The following ITPRID2 variants were observed in gnomAD, a reference collection of about 807,000 sequenced individuals.
ITPRID2 encodes the protein ITPR interacting domain containing 2.
In ITPRID2, 60 loss-of-function variants were observed where a neutral mutation model predicts 124.3. The observed-to-expected ratio is 0.48, with a 90% CI of 0.39 to 0.60. ITPRID2 has a LOEUF of 0.60. Ranked by LOEUF, ITPRID2 falls within the 20% of genes least tolerant of loss-of-function variation. The pLI, the probability that ITPRID2 is intolerant of heterozygous loss-of-function variation, is 0.00. For synonymous variants in ITPRID2, 521 were observed against 542.9 expected (o/e 0.96, Z 0.56); for missense variants, 1,553 against 1,512.2 (o/e 1.03, Z -0.45).
In ITPRID2 at chr2:181,892,734, G is replaced by A; in HGVS notation, c.257+74G>A. 6.3e-7 allele frequency: 1 copy of A among 1,575,598 alleles called. No homozygotes were observed. Among genetic ancestry groups the A allele is most frequent in the Non-Finnish European group, 8.7e-7 (1 of 1,147,284 alleles). ...GGGACGCCGGAGCAGAGCCACTCGG[G>A]CCGCGTCCCTGTGGGTCCCGCGACC... On this transcript the variant is annotated intron_variant, in intron 2 of 17. Coordinates refer to ENST00000431877, the MANE Select transcript of ITPRID2 (RefSeq NM_001130445.3). This position sits in a 1 kb window ranked among gnomAD's most constrained non-coding sequence, Gnocchi z 5.2.
intron 16 of ITPRID2, among the ~76,000 whole-genome samples, chr2:181,926,662 G>A (rs1002040922): frequency 6.9e-6 from 1 of 144,512 alleles, no homozygotes; most frequent in African/African-American, 2.6e-5. Context: ...GCAGTGAGCC[G>A]ATATTGTACC....
At position 181,892,199 on chromosome 2, in the gene ITPRID2, G is replaced by A; in HGVS notation, c.133G>A (p.Glu45Lys). 1 of 1,552,866 alleles carries A rather than the reference G, an allele frequency of 6.4e-7. No individual in the cohort carries two copies. The highest frequency in any genetic ancestry group is 8.7e-7 in the Non-Finnish European group (1 of 1,148,012). Residue 45 changes from glutamate (E) to lysine (K), a missense_variant, in exon 1 of 18, where the codon GAA becomes AAA. By Grantham distance (56) the Glu-to-Lys change is moderately conservative. Transcript: ENST00000431877. This position sits in a 1 kb window ranked among gnomAD's most constrained non-coding sequence, Gnocchi z 5.2. Reference sequence around the variant, plus strand: ...GTCGGAGACGGAGGATCTGTCCACAGAAGCGACGACGCAGGACGAGGAGGA... The same window carrying A: ...GTCGGAGACGGAGGATCTGTCCACAAAAGCGACGACGCAGGACGAGGAGGA... Reference protein sequence around the residue: ...QASETEDLSTEATTQDEEEDE... With the variant: ...QASETEDLSTKATTQDEEEDE...
At chr2:181,908,793 G>C (rs1693361951) in intron 8 of ITPRID2, among the ~76,000 whole-genome samples, 1 of 151,758 alleles carries the variant, frequency 6.6e-6, no homozygotes, top group Non-Finnish European at 1.5e-5. Context: ...TCTTATTCTT[G>C]AATAGCTTCA....
chr2:181,910,072 G>GA lies in ITPRID2; in HGVS notation c.1486+105dup. On this transcript the variant is annotated intron_variant, in intron 9 of 17. Coordinates refer to ENST00000431877, the MANE Select transcript of ITPRID2 (RefSeq NM_001130445.3). This position sits in a 1 kb window ranked among gnomAD's most constrained non-coding sequence, Gnocchi z 4.1. ...CAGTATTTGTAGTATTTATGAGTGT[G>GA]AAAAGGCAAAGAACACACACAGGTA... 1 of 840,928 alleles carries GA rather than the reference G, an allele frequency of 1.2e-6. No homozygotes were observed. Among genetic ancestry groups the GA allele is most frequent in the Non-Finnish European group, 1.8e-6 (1 of 541,014 alleles). 52.1% of individuals were successfully genotyped at this position (840,928 alleles called of 1,614,324 possible).
chr2:181,895,435 A>G (rs1206102289), intron 2 of ITPRID2, among the ~76,000 whole-genome samples: 3 of 152,088 alleles, frequency 2.0e-5, no homozygotes, highest in African/African-American at 4.8e-5. Flanking sequence ...TGAAGAATAT[A>G]TATATTTTTT....
Position 181,902,603 on chromosome 2 carries a change from T to A in ITPRID2, c.1413+137T>A. On this transcript the variant is annotated intron_variant, in intron 8 of 17. Transcript: ENST00000431877. This position sits in a 1 kb window ranked among gnomAD's most constrained non-coding sequence, Gnocchi z 4.4. ...CTAATTTTGACTTTCCAGGTTTATG[T>A]TTCACAAACCAAGAATTGGTCTCAG... The A allele has an allele frequency of 3.0e-6, 2 of 664,630 alleles. No homozygotes were observed. Among genetic ancestry groups the A allele is most frequent in the Non-Finnish European group, 4.8e-6 (2 of 417,372 alleles). The allele number at this position is 664,630 out of a possible 1,614,324, so 41.2% of individuals were successfully genotyped here.
intron 6 of ITPRID2, among the ~76,000 whole-genome samples, chr2:181,899,949 A>G (rs570989743): frequency 1.1e-3 from 174 of 152,236 alleles, no homozygotes; most frequent in Non-Finnish European, 2.1e-3. Context: ...AAATTATAAT[A>G]TTAGAATCTG....
intron 15 of ITPRID2, 66 bp downstream of exon 15, chr2:181,920,728 C>T: frequency 8.5e-7 from 1 of 1,181,664 alleles, no homozygotes; most frequent in Non-Finnish European, 1.2e-6. Context: ...ACATAGTTTC[C>T]CTAGTTTAGA....
In ITPRID2 at chr2:181,902,258, A is replaced by G. The variant is rs1433278682; in HGVS notation, c.1205A>G (p.His402Arg). Residue 402 changes from histidine to arginine, a missense_variant, in exon 8 of 18, where the codon CAT becomes CGT. Transcript: ENST00000431877. The surrounding 1 kb of genome is among the most constrained non-coding windows in gnomAD (Gnocchi z 4.4). ...ENEQSKETQS[H>R]ESKLGEESGI... ...GAACAAAGTAAAGAAACTCAAAGTC[A>G]TGAGAGTAAACTGGGTGAGGAATCT... The G allele has an allele frequency of 2.5e-6, 4 of 1,613,228 alleles. No homozygotes were observed. The Admixed American group carries it at 5.0e-5, about 20-fold the overall frequency.
In ITPRID2 at chr2:181,892,332, G is replaced by A. The variant is rs1241559256; in HGVS notation, c.211+55G>A. On this transcript the variant is annotated intron_variant, in intron 1 of 17. Coordinates refer to ENST00000431877, the MANE Select transcript of ITPRID2 (RefSeq NM_001130445.3). This position sits in a 1 kb window ranked among gnomAD's most constrained non-coding sequence, Gnocchi z 5.2. ...AGGCTGGTGGGCTGGGGAGAGTCTCGTGCGCCCTGGGCGCCTGCCACGAGT... is the reference window on the plus strand; with the variant it reads ...AGGCTGGTGGGCTGGGGAGAGTCTCATGCGCCCTGGGCGCCTGCCACGAGT... 6.7e-7 allele frequency: 1 copy of A among 1,483,314 alleles called. No individual in the cohort carries two copies. Among genetic ancestry groups the A allele is most frequent in the African/African-American group, 1.4e-5 (1 of 71,720 alleles). The allele number at this position is 1,483,314 out of a possible 1,614,324, so 91.9% of individuals were successfully genotyped here. A position where few individuals can be genotyped will look rare whatever the true frequency, so the allele number is the denominator to read the frequency against.
rs1256664561 is a variant in ITPRID2 at position 181,892,756 on chromosome 2, G to T, written c.257+96G>T. On this transcript the variant is annotated intron_variant, in intron 2 of 17. Coordinates refer to ENST00000431877, the MANE Select transcript of ITPRID2 (RefSeq NM_001130445.3). The surrounding 1 kb of genome is among the most constrained non-coding windows in gnomAD (Gnocchi z 5.2). ...CGGGCCGCGTCCCTGTGGGTCCCGC[G>T]ACCGTTGTAAGCTACAAACCGGAAA... 1.2e-5 allele frequency: 18 copies of T among 1,460,950 alleles called. No homozygotes were observed. The highest frequency in any genetic ancestry group is 1.6e-5 in the Non-Finnish European group (17 of 1,047,376). The allele number at this position is 1,460,950 out of a possible 1,614,324, so 90.5% of individuals were successfully genotyped here. A position where few individuals can be genotyped will look rare whatever the true frequency, so the allele number is the denominator to read the frequency against.
At chr2:181,904,107 C>A (rs549251805) in intron 8 of ITPRID2, among the ~76,000 whole-genome samples, 37 of 152,156 alleles carry the variant, frequency 2.4e-4, no homozygotes, top group Non-Finnish European at 4.7e-4. Flanking sequence ...GAATTCTAAG[C>A]TGTAGTTTTT....
At position 181,915,861 on chromosome 2, in the gene ITPRID2, C is replaced by T; in HGVS notation, c.2221C>T (p.Pro741Ser). 6.2e-7 allele frequency: 1 copy of T among 1,614,184 alleles called. No individual in the cohort carries two copies. Among genetic ancestry groups the T allele is most frequent in the Non-Finnish European group, 8.5e-7 (1 of 1,180,038 alleles). The change falls in exon 11 of 18, where the codon CCA becomes TCA. Residue 741 changes from proline (P) to serine (S), a missense_variant. Coordinates refer to ENST00000431877, the MANE Select transcript of ITPRID2 (RefSeq NM_001130445.3). ...GYPLRRSQSL[P>S]TTLLSPVRVV... ...TCCTCTAAGAAGGTCTCAGTCTTTA[C>T]CAACCACCTTATTGAGCCCAGTAAG...
intron 6 of ITPRID2, 120 bp downstream of exon 6, chr2:181,899,232 G>A (rs560025227): frequency 1.3e-5 from 9 of 706,968 alleles, no homozygotes; most frequent in African/African-American, 3.6e-5. Flanking sequence ...CAAAAAGAGC[G>A]TTTCCTGTAC....
rs185935457 is a variant in ITPRID2 at position 181,916,076 on chromosome 2, C to T, written c.2436C>T (p.Ala812=). The change falls in exon 11 of 18, where the codon GCC becomes GCT. Residue 812 remains alanine, a synonymous_variant. Coordinates refer to ENST00000431877, the MANE Select transcript of ITPRID2 (RefSeq NM_001130445.3). ...ISPSSVKKEE[A]PQSEAPRVEE... ...CATCATCTGTGAAGAAAGAAGAAGC[C>T]CCCCAGAGTGAGGCGCCGCGGGTGG... The T allele has an allele frequency of 1.2e-6, 2 of 1,614,114 alleles. No homozygotes were observed. Among genetic ancestry groups the T allele is most frequent in the Middle Eastern group, 1.7e-4 (1 of 6,060 alleles).
chr2:181,910,472 CTT>C lies in ITPRID2; in HGVS notation c.1486+502_1486+503del. 1.7e-6 allele frequency: 1 copy of C among 579,210 alleles called. No individual in the cohort carries two copies. The highest frequency in any genetic ancestry group is 3.1e-6 in the Non-Finnish European group (1 of 323,868). The allele number at this position is 579,210 out of a possible 1,614,324, so 35.9% of individuals were successfully genotyped here. On this transcript the variant is annotated intron_variant, in intron 9 of 17. Coordinates refer to ENST00000431877, the MANE Select transcript of ITPRID2 (RefSeq NM_001130445.3). This position sits in a 1 kb window ranked among gnomAD's most constrained non-coding sequence, Gnocchi z 4.1. ...GAGTGGTTGTAGATACTGTTCCTCT[CTT>C]AAATTATTAATTATTGACCAAAGAA...
At chr2:181,918,506 T>G in intron 11 of ITPRID2, 92 bp from the exon 12 acceptor site, 2 of 1,549,118 alleles carry the variant, frequency 1.3e-6, no homozygotes, top group East Asian at 2.3e-5. Flanking sequence ...GAGAAAAATA[T>G]ATAGGCCCCA....
rs1353580284 is a variant in ITPRID2 at position 181,922,135 on chromosome 2, C to T, written c.3398C>T (p.Ala1133Val). 1 of 1,614,212 alleles carries T rather than the reference C, an allele frequency of 6.2e-7. No homozygotes were observed. Among genetic ancestry groups the T allele is most frequent in the Non-Finnish European group, 8.5e-7 (1 of 1,180,036 alleles). ...AGAAGAACTGGAGTACCTTCTACTG[C>T]CTCAGTGGGCAAATCCAAAACCCCA... ...ANRRTGVPST[A>V]SVGKSKTPLV... Residue 1133 changes from alanine (A) to valine (V), a missense_variant, in exon 16 of 18, where the codon GCC becomes GTC. By Grantham distance (64) the Ala-to-Val change is moderately conservative (BLOSUM62 0). Coordinates refer to ENST00000431877, the MANE Select transcript of ITPRID2 (RefSeq NM_001130445.3).
In ITPRID2 at chr2:181,892,413, C is replaced by T. The variant is rs997357863; in HGVS notation, c.211+136C>T. On this transcript the variant is annotated intron_variant, in intron 1 of 17. Transcript: ENST00000431877. This position sits in a 1 kb window ranked among gnomAD's most constrained non-coding sequence, Gnocchi z 5.2. ...GGGGAGAGGGGACACTTCCGACCTT[C>T]AAACGCGCGCGCTGAACGAGGCGCC... The T allele has an allele frequency of 3.2e-5, 38 of 1,198,488 alleles. No individual in the cohort carries two copies. The highest frequency in any genetic ancestry group is 4.3e-5 in the Non-Finnish European group (37 of 862,758). 74.2% of individuals were successfully genotyped at this position (1,198,488 alleles called of 1,614,324 possible). A position where few individuals can be genotyped will look rare whatever the true frequency, so the allele number is the denominator to read the frequency against.
Sources: gnomAD v4.1 joint callset for allele counts (sites outside exome capture counted in the v4.1 genomes callset) on GRCh38, gnomAD v4.1.1 for gene constraint, Gnocchi (gnomAD v3.1) non-coding constraint, MANE v1.5 for transcripts, NCBI Gene and HGNC (gene_info 2026-07-23, HGNC 2026-07-21) for gene names.